GABBR2: variants seen among roughly 807,000 people sequenced by gnomAD.
GABBR2 encodes G-protein coupled receptor 51.
Under a neutral mutation model 105.6 loss-of-function variants are expected in GABBR2, and 23 were observed. The observed-to-expected ratio is 0.22, with a 90% CI of 0.16 to 0.31. GABBR2 has a LOEUF of 0.31. Ranked by LOEUF, GABBR2 falls within the 10% of genes least tolerant of loss-of-function variation. The probability of loss-of-function intolerance (pLI) is 1.00; values close to 1 mark genes in which losing one functional copy is unlikely to be tolerated. For missense variants in GABBR2, 734 were observed against 1,245.5 expected (o/e 0.59, Z 6.18); for synonymous variants, 478 against 499.7 (o/e 0.96, Z 0.58).
chr9:98,407,260 G>T (rs2131531542), intron 7 of GABBR2, among the ~76,000 whole-genome samples: 1 of 152,266 alleles, frequency 6.6e-6, no homozygotes, highest in Admixed American at 6.5e-5. Flanking sequence ...AGTCTTGGGA[G>T]AAAACCCCAG....
intron 14 of GABBR2, among the ~76,000 whole-genome samples, chr9:98,307,003 A>T (rs1016071014): frequency 5.9e-5 from 9 of 152,170 alleles, no homozygotes; most frequent in African/African-American, 2.2e-4. Context: ...CTGGAGTGGA[A>T]TGTGATGGGT....
chr9:98,358,421 T>C (rs670807), intron 13 of GABBR2, among the ~76,000 whole-genome samples: 73,691 of 152,136 alleles, frequency 0.48, 20,882 homozygotes, highest in African/African-American at 0.79. Context: ...AGTGCTCCCA[T>C]ACCAGCTCAG....
intron 13 of GABBR2, among the ~76,000 whole-genome samples, chr9:98,337,315 A>G (rs1831134229): frequency 6.6e-6 from 1 of 152,234 alleles, no homozygotes; most frequent in African/African-American, 2.4e-5. Context: ...GGAAGAAAAA[A>G]AAATTGCTGA....
intron 1 of GABBR2, among the ~76,000 whole-genome samples, chr9:98,592,054 T>A (rs555959651): frequency 6.6e-6 from 1 of 152,330 alleles, no homozygotes; most frequent in South Asian, 2.1e-4. Flanking sequence ...CCCAAGCTAA[T>A]GGAACAACCG....
intron 4 of GABBR2, among the ~76,000 whole-genome samples, chr9:98,487,519 A>G (rs1016710687): frequency 3.9e-5 from 6 of 152,102 alleles, no homozygotes; most frequent in Admixed American, 3.9e-4. Flanking sequence ...TCATGCCTGT[A>G]ATCCCAGCAC....
intron 3 of GABBR2, among the ~76,000 whole-genome samples, chr9:98,507,017 C>T (rs554872470): frequency 1.6e-4 from 24 of 152,296 alleles, no homozygotes; most frequent in Non-Finnish European, 2.5e-4. Flanking sequence ...AGGGGAGAAA[C>T]GCACCCTCGG....
intron 3 of GABBR2, among the ~76,000 whole-genome samples, chr9:98,537,351 C>A (rs917157945): frequency 6.6e-6 from 1 of 152,026 alleles, no homozygotes; most frequent in African/African-American, 2.4e-5. Context: ...AAAACTATTC[C>A]TGGGGCTGGG....
intron 1 of GABBR2, among the ~76,000 whole-genome samples, chr9:98,665,262 G>GGC (rs935023858): frequency 6.0e-5 from 7 of 115,980 alleles, no homozygotes; most frequent in Admixed American, 9.4e-5. Flanking sequence ...GGGTGAGTCA[G>GGC]TCTCTCTCTC....
chr9:98,440,511 TC>T, intron 7 of GABBR2, among the ~76,000 whole-genome samples: 1 of 151,978 alleles, frequency 6.6e-6, no homozygotes, highest in Admixed American at 6.5e-5. Flanking sequence ...GTCCCCCACT[TC>T]CCCCCTTCTA....
rs545433030 is a variant in GABBR2, at chr9:98,510,456, A to G, written c.631-13942T>C. Among the ~76,000 whole-genome samples, 557 of 152,338 alleles carry G rather than the reference A, an allele frequency of 3.7e-3. 1 individual carries two copies. Among genetic ancestry groups the G allele is most frequent in the African/African-American group, 0.012 (502 of 41,572 alleles). Reference sequence around the variant, plus strand: ...AAATGTAAATGGGCTAAATGCTCCAATTAAAAGACACAGACTGGCAAATTG... The same window carrying G: ...AAATGTAAATGGGCTAAATGCTCCAGTTAAAAGACACAGACTGGCAAATTG... On this transcript the variant is annotated intron_variant, in intron 3 of 18. Transcript: ENST00000259455.
intron 1 of GABBR2, among the ~76,000 whole-genome samples, chr9:98,667,410 C>A (rs1293536149): frequency 1.3e-5 from 2 of 152,140 alleles, no homozygotes; most frequent in African/African-American, 4.8e-5. Context: ...CTGGGCACCG[C>A]TACCCCAGCT....
At chr9:98,647,732 G>T (rs1830043537) in intron 1 of GABBR2, among the ~76,000 whole-genome samples, 1 of 152,138 alleles carries the variant, frequency 6.6e-6, no homozygotes, top group African/African-American at 2.4e-5. Context: ...AAATGCAAGA[G>T]GGTAATAAGC....
chr9:98,580,571 T>C (rs933054410), intron 1 of GABBR2, among the ~76,000 whole-genome samples: 1 of 152,102 alleles, frequency 6.6e-6, no homozygotes, highest in Non-Finnish European at 1.5e-5. Flanking sequence ...GCAGATCAGT[T>C]GAGGTCAGGA....
At chr9:98,326,391 G>C (rs72759629) in intron 13 of GABBR2, among the ~76,000 whole-genome samples, 5,471 of 152,288 alleles carry the variant, frequency 0.036, 127 homozygotes, top group Middle Eastern at 0.054. Flanking sequence ...GCTCAGGGAG[G>C]CTCAAGGAAC....
At chr9:98,341,518 C>T (rs1342145502) in intron 13 of GABBR2, among the ~76,000 whole-genome samples, 1 of 152,242 alleles carries the variant, frequency 6.6e-6, no homozygotes, top group African/African-American at 2.4e-5. Flanking sequence ...GTGAGATAAT[C>T]CTCCAGGAAC....
At chr9:98,508,305 G>A (rs1827556003) in intron 3 of GABBR2, among the ~76,000 whole-genome samples, 1 of 152,208 alleles carries the variant, frequency 6.6e-6, no homozygotes, top group African/African-American at 2.4e-5. Flanking sequence ...GGCCGAATAG[G>A]AACAGCTCCG....
rs1828440413 is a variant in GABBR2 at position 98,549,050 on chromosome 9, G to T, written c.460-7007C>A. 1.6e-5 allele frequency among the ~76,000 whole-genome samples: 2 copies of T among 121,462 alleles called. 1 individual carries two copies. The highest frequency in any genetic ancestry group is 5.5e-4 in the South Asian group (2 of 3,656). 79.7% of individuals were successfully genotyped at this position (121,462 alleles called of 152,430 possible). ...TCCCGATTGTTCAAGCGATTCTCCT[G>T]CCTCAGCCTCCCAAGCAGTGATTAC... is the stretch of plus-strand genomic sequence containing the variant. On this transcript the variant is annotated intron_variant, in intron 2 of 18. Coordinates refer to ENST00000259455, the MANE Select transcript of GABBR2 (RefSeq NM_005458.8).
At chr9:98,689,733 C>T (rs140979994) in intron 1 of GABBR2, among the ~76,000 whole-genome samples, 6 of 152,308 alleles carry the variant, frequency 3.9e-5, no homozygotes, top group Middle Eastern at 6.8e-3. Context: ...TTCTTCCTAA[C>T]GCTATTATGT....
intron 4 of GABBR2, among the ~76,000 whole-genome samples, chr9:98,494,180 A>G (rs1401804370): frequency 6.6e-6 from 1 of 152,194 alleles, no homozygotes; most frequent in African/African-American, 2.4e-5. Context: ...CCTTCGAGAG[A>G]GTACATTCTG....
Sources: allele counts gnomAD v4.1 joint callset (sites outside exome capture counted in the v4.1 genomes callset), GRCh38; gene constraint gnomAD v4.1.1; transcripts MANE v1.5; gene names NCBI Gene and HGNC (gene_info 2026-07-23, HGNC 2026-07-21).